The following SH3RF2 variants were observed in gnomAD, a reference collection of about 807,000 sequenced individuals.
The protein encoded by SH3RF2 is SH3 domain containing ring finger 2.
In SH3RF2, 43 loss-of-function variants were observed where a neutral mutation model predicts 59.0. The ratio of observed to expected loss-of-function variants is 0.73; its 90% CI spans 0.57 to 0.94. The LOEUF is 0.94. Among genes scored for constraint, SH3RF2 ranks in the 40% least tolerant of loss-of-function variants. SH3RF2 has a pLI of 0.00. For synonymous variants in SH3RF2, 391 were observed against 391.5 expected (o/e 1.00, Z 0.01); for missense variants, 930 against 940.1 (o/e 0.99, Z 0.14).
chr5:145,939,663 C>T (rs749315840), intron 2 of SH3RF2, among the ~76,000 whole-genome samples: 4 of 152,136 alleles, frequency 2.6e-5, no homozygotes, highest in African/African-American at 4.8e-5. Context: ...TCCACTACCC[C>T]TGGTCTAGTC....
chr5:145,989,271 G>A (rs1018771867), intron 2 of SH3RF2, among the ~76,000 whole-genome samples: 3 of 152,136 alleles, frequency 2.0e-5, no homozygotes, highest in African/African-American at 7.2e-5. Context: ...TTAAAATTGG[G>A]GGATGTTTAG....
At chr5:145,939,362 C>T (rs1049197045) in intron 2 of SH3RF2, among the ~76,000 whole-genome samples, 2 of 152,194 alleles carry the variant, frequency 1.3e-5, no homozygotes, top group African/African-American at 4.8e-5. Context: ...AGAGGAATAA[C>T]GTGTGGGAGG....
At chr5:145,993,864 G>A (rs982965935) in intron 2 of SH3RF2, among the ~76,000 whole-genome samples, 1 of 152,190 alleles carries the variant, frequency 6.6e-6, no homozygotes, top group Non-Finnish European at 1.5e-5. Flanking sequence ...TATTACTTAT[G>A]CAAATATCTG....
At chr5:146,033,814 G>A (rs1226472103) in intron 5 of SH3RF2, among the ~76,000 whole-genome samples, 1 of 151,978 alleles carries the variant, frequency 6.6e-6, no homozygotes, top group Non-Finnish European at 1.5e-5. Context: ...CACGTTTTGT[G>A]GAAAAAGACG....
Position 146,049,106 on chromosome 5 carries a change from G to T in SH3RF2, c.1183G>T (p.Gly395Ter). 3 of 1,614,042 alleles carry T rather than the reference G, an allele frequency of 1.9e-6. No individual in the cohort carries two copies. Among genetic ancestry groups the T allele is most frequent in the Non-Finnish European group, 2.5e-6 (3 of 1,179,976 alleles). ...FVALHSYSAHGPDELDLQKGE... is the reference protein window; with the variant it reads ...FVALHSYSAH ...AGCCCTGCACTCCTACTCAGCCCAT[G>T]GACCCGATGAGCTGGACCTGCAAAA... Residue 395 changes from glycine (G) to a stop codon, truncating the protein, a stop_gained, in exon 7 of 10, where the codon GGA (glycine) becomes TGA (stop). Coordinates refer to ENST00000359120, the MANE Select transcript of SH3RF2 (RefSeq NM_152550.4). LOFTEE classifies it high-confidence loss of function.
At chr5:146,047,154 C>CGTGTGTGTGTGTGTGTGTGTGTGT (rs35750777) in intron 5 of SH3RF2, among the ~76,000 whole-genome samples, 125 of 148,218 alleles carry the variant, frequency 8.4e-4, no homozygotes, top group East Asian at 3.6e-3. Context: ...ATTGGATAGG[C>CGTGTGTGTGTGTGTGTGTGTGTGT]GTGTGTGTGT....
At chr5:145,997,113 G>C (rs1760194822) in intron 2 of SH3RF2, 1 of 625,940 alleles carries the variant, frequency 1.6e-6, no homozygotes, top group South Asian at 1.9e-5. Context: ...GGCATTTGTT[G>C]TGCAGGTTAT....
chr5:145,944,584 G>C (rs1757943148), intron 2 of SH3RF2, among the ~76,000 whole-genome samples: 1 of 152,030 alleles, frequency 6.6e-6, no homozygotes, highest in Non-Finnish European at 1.5e-5. Context: ...ATTCTGTAAT[G>C]GGTGTGCCAC....
intron 4 of SH3RF2, among the ~76,000 whole-genome samples, chr5:146,010,827 G>A (rs1760856607): frequency 6.6e-6 from 1 of 152,148 alleles, no homozygotes; most frequent in Non-Finnish European, 1.5e-5. Context: ...CATTCTGTAG[G>A]TTGCCTGTTC....
chr5:145,938,387 T>A, intron 2 of SH3RF2, 81 bp downstream of exon 2: 1 of 1,440,090 alleles, frequency 6.9e-7, no homozygotes, highest in Non-Finnish European at 9.2e-7. Flanking sequence ...ATTATCTTCT[T>A]TTAGTTACAT....
intron 4 of SH3RF2, among the ~76,000 whole-genome samples, chr5:146,008,518 C>G (rs752370632): frequency 7.2e-5 from 11 of 152,104 alleles, no homozygotes; most frequent in Non-Finnish European, 1.3e-4. Flanking sequence ...AGTCATTGTT[C>G]CTAGTTCAAG....
At chr5:145,964,307 T>TTC (rs1758773880) in intron 2 of SH3RF2, among the ~76,000 whole-genome samples, 1 of 81,262 alleles carries the variant, frequency 1.2e-5, no homozygotes, top group Non-Finnish European at 2.9e-5. Context: ...TTCCTTCCTT[T>TTC]CTTTCTTTTT....
intron 4 of SH3RF2, among the ~76,000 whole-genome samples, chr5:146,011,312 G>A (rs555872244): frequency 5.9e-5 from 9 of 152,106 alleles, no homozygotes; most frequent in South Asian, 2.1e-4. Context: ...GTCAGGTAGC[G>A]TGATGCCTCC....
chr5:146,010,186 T>C (rs1285566457), intron 4 of SH3RF2, among the ~76,000 whole-genome samples: 2 of 152,242 alleles, frequency 1.3e-5, no homozygotes, highest in Non-Finnish European at 2.9e-5. Flanking sequence ...GCTTCATCCA[T>C]GTCCCTACAA....
intron 5 of SH3RF2, among the ~76,000 whole-genome samples, chr5:146,029,792 A>G (rs903446937): frequency 1.8e-4 from 27 of 152,180 alleles, no homozygotes; most frequent in African/African-American, 6.5e-4. Context: ...GTGTTAAGAA[A>G]AGAAAACAAA....
rs1762028801 is a variant in SH3RF2 at position 146,038,777 on chromosome 5, G to C, written c.1060-8995G>C. On this transcript the variant is annotated intron_variant, in intron 5 of 9. Transcript: ENST00000359120. ...CATGAATTCAAATCCCAGTGGGTCT[G>C]TTTGCTGTTTGTTTTTATGAAACTC... 2.6e-5 allele frequency among the ~76,000 whole-genome samples: 4 copies of C among 152,246 alleles called. No individual in the cohort carries two copies. In the South Asian group the frequency reaches 8.3e-4, roughly 32 times the overall value.
intron 5 of SH3RF2, among the ~76,000 whole-genome samples, chr5:146,019,028 A>G (rs1761213020): frequency 6.6e-6 from 1 of 152,016 alleles, no homozygotes; most frequent in Non-Finnish European, 1.5e-5. Flanking sequence ...TGTCAAATGC[A>G]TAGTTTGCAA....
chr5:146,044,210 G>T (rs114731380), intron 5 of SH3RF2, among the ~76,000 whole-genome samples: 1,568 of 151,940 alleles, frequency 0.01, 18 homozygotes, highest in Non-Finnish European at 0.017. Context: ...GAGTGCAAGG[G>T]CATGATCTCG....
chr5:146,052,622 C>T (rs1333734372), intron 7 of SH3RF2, among the ~76,000 whole-genome samples: 1 of 152,136 alleles, frequency 6.6e-6, no homozygotes, highest in Non-Finnish European at 1.5e-5. Flanking sequence ...TCAATGCTTT[C>T]ACTGTGTTTA....
Sources: gnomAD v4.1 joint callset for allele counts (sites outside exome capture counted in the v4.1 genomes callset) on GRCh38, gnomAD v4.1.1 for gene constraint, MANE v1.5 for transcripts, NCBI Gene and HGNC (gene_info 2026-07-23, HGNC 2026-07-21) for gene names.